DRP2: variants seen among roughly 807,000 people sequenced by gnomAD.
The protein encoded by DRP2 is dystrophin related protein 2.
In DRP2, 29 loss-of-function variants were observed where a neutral mutation model predicts 78.2. The observed-to-expected ratio is 0.37, with a 90% CI of 0.28 to 0.51. The LOEUF (loss-of-function observed/expected upper bound fraction) is 0.51, where lower values mean the gene tolerates loss of function less well. Among genes scored for constraint, DRP2 ranks in the 20% least tolerant of loss-of-function variants. DRP2 has a pLI of 0.94. For synonymous variants in DRP2, 290 were observed against 281.9 expected, an observed-to-expected ratio of 1.03 and a Z score of -0.29; for missense variants, 686 against 770.6, an observed-to-expected ratio of 0.89 and a Z score of 1.30.
At chrX:101,240,010 T>G (rs2147339470) in intron 6 of DRP2, among the ~76,000 whole-genome samples, 1 of 110,818 alleles carries the variant, frequency 9.0e-6, no homozygotes, top group East Asian at 2.9e-4. Context: ...TCCACTGCAT[T>G]CCAGCCTGGG....
At chrX:101,250,607 A>G in intron 15 of DRP2, 27 bp downstream of exon 15, 1 of 1,150,252 alleles carries the variant, frequency 8.7e-7, no homozygotes, top group Non-Finnish European at 1.2e-6. Context: ...GGAGTGGGGG[A>G]GGGAAGGGAG....
intron 1 of DRP2, among the ~76,000 whole-genome samples, chrX:101,224,182 G>GTTTTT (rs1214156680): frequency 1.8e-4 from 8 of 44,224 alleles, no homozygotes; most frequent in Admixed American, 2.6e-4. Flanking sequence ...TGTTTGCTGG[G>GTTTTT]TTTTTTTTGT....
intron 18 of DRP2, 97 bp from the exon 19 acceptor site, chrX:101,254,762 A>C: frequency 9.0e-7 from 1 of 1,111,274 alleles, no homozygotes; most frequent in Non-Finnish European, 1.2e-6. Flanking sequence ...TGTTCCCATC[A>C]GCTCTTGCCC....
chrX:101,236,115 C>CCCCTTTCCTTAGCCCACCCACTTCT, intron 4 of DRP2, 92 bp downstream of exon 4: 1 of 1,007,145 alleles, frequency 9.9e-7, no homozygotes, highest in Non-Finnish European at 1.4e-6. Flanking sequence ...CCTGTGCATC[C>CCCCTTTCCTTAGCCCACCCACTTCT]CCCTTTCCTT....
At chrX:101,259,486 TTTAATTAA>T (rs1207645244) in intron 22 of DRP2, among the ~76,000 whole-genome samples, 8 of 110,973 alleles carry the variant, frequency 7.2e-5, no homozygotes, top group African/African-American at 2.3e-4. Flanking sequence ...CCATTCTTTA[TTTAATTAA>T]TTAATTAATT....
Position 101,241,522 on chromosome X carries a change from A to G in DRP2, c.560-146A>G, listed in dbSNP as rs190311903. 51 of 623,508 alleles carry G rather than the reference A, an allele frequency of 8.2e-5. No homozygotes were observed. In the East Asian group the frequency reaches 1.7e-3, roughly 21 times the overall value. 51.4% of individuals were successfully genotyped at this position (623,508 alleles called of 1,213,427 possible). A position where few individuals can be genotyped will look rare whatever the true frequency, so the allele number is the denominator to read the frequency against. ...AGGGCTCAACCATGGAAAAATATGT[A>G]TTTGTGTGTGTATGAATATATACAC... On this transcript the variant is annotated intron_variant, in intron 6 of 23. Coordinates refer to ENST00000395209, the MANE Select transcript of DRP2 (RefSeq NM_001939.3).
At chrX:101,241,621 T>C in intron 6 of DRP2, 47 bp from the exon 7 acceptor site, 1 of 1,194,201 alleles carries the variant, frequency 8.4e-7, no homozygotes, top group South Asian at 1.8e-5. Flanking sequence ...TTCTTTGAGC[T>C]GACCCTGCCT....
rs1569507487 is a variant in DRP2, at chrX:101,224,186, T to TG, written c.-166-418_-166-417insG. On this transcript the variant is annotated intron_variant, in intron 1 of 23. Coordinates refer to ENST00000395209, the MANE Select transcript of DRP2 (RefSeq NM_001939.3). ...AGAATAATAAATGTTTGCTGGGTTT[T>TG]TTTTGTTTTTTTTTTTTTTTTTTTT... Among the ~76,000 whole-genome samples the TG allele has an allele frequency of 9.9e-3, 694 of 70,169 alleles. 38 individuals are homozygous for TG. Among genetic ancestry groups the TG allele is most frequent in the African/African-American group, 0.024 (374 of 15,359 alleles). 60.9% of individuals were successfully genotyped at this position (70,169 alleles called of 115,157 possible). A position where few individuals can be genotyped will look rare whatever the true frequency, so the allele number is the denominator to read the frequency against.
intron 10 of DRP2, 63 bp from the exon 11 acceptor site, chrX:101,245,325 C>T: frequency 5.6e-6 from 6 of 1,072,737 alleles, no homozygotes; most frequent in Non-Finnish European, 6.4e-6. Context: ...GTGGTGTGCA[C>T]ATCTGAGTGT....
In DRP2 at chrX:101,254,954, G is replaced by A. The variant is rs781608634; in HGVS notation, c.2180+30G>A. The A allele has an allele frequency of 5.8e-6, 7 of 1,209,105 alleles. No individual in the cohort carries two copies. In the South Asian group the frequency reaches 1.1e-4, roughly 18 times the overall value. ...CACCAGGTTTGCGGGAGGTGGGTAG[G>A]AGCTGTTGTAGGAAGTCCGAGGGGA... On this transcript the variant is annotated intron_variant, in intron 19 of 23. Transcript: ENST00000395209.
At chrX:101,250,818 C>A (rs1264946010) in intron 15 of DRP2, 99 bp from the exon 16 acceptor site, 1 of 1,092,018 alleles carries the variant, frequency 9.2e-7, no homozygotes, top group African/African-American at 1.8e-5. Flanking sequence ...ACAGGCCAAC[C>A]CAGCCCCTGC....
Position 101,242,367 on chromosome X carries a change from T to C in DRP2, c.871T>C (p.Leu291=). 8.3e-7 allele frequency: 1 copy of C among 1,211,438 alleles called. No homozygotes were observed. The highest frequency in any genetic ancestry group is 1.1e-6 in the Non-Finnish European group (1 of 895,419). The change falls in exon 8 of 24, where the codon TTG becomes CTG. Residue 291 remains leucine, a synonymous_variant. Coordinates refer to ENST00000395209, the MANE Select transcript of DRP2 (RefSeq NM_001939.3). ...EFSPMKDGVK[L]VNDLAHQLAI... ...CTCCCCCATGAAAGATGGAGTAAAG[T>C]TGGTGAATGATCTGGCCCACCAACT...
intron 20 of DRP2, among the ~76,000 whole-genome samples, 160 bp from the exon 21 acceptor site, chrX:101,255,958 C>G (rs1032317552): frequency 3.6e-5 from 4 of 111,974 alleles, no homozygotes; most frequent in African/African-American, 1.3e-4. Context: ...CTCCTTTGAA[C>G]ACTTTCATCC....
In DRP2 at chrX:101,231,717, C is replaced by T; in HGVS notation, c.70C>T (p.Gln24Ter). The T allele has an allele frequency of 8.3e-7, 1 of 1,211,322 alleles. No homozygotes were observed. The highest frequency in any genetic ancestry group is 1.1e-6 in the Non-Finnish European group (1 of 895,341). Residue 24 changes from glutamine to a stop codon, truncating the protein, a stop_gained, in exon 3 of 24, where the codon CAG (glutamine) becomes TAG (stop). Transcript: ENST00000395209. LOFTEE classifies it high-confidence loss of function. ...PRCHDWQAAD[Q>*]FHHSSSLRST... ...ATGTCATGACTGGCAGGCAGCTGAC[C>T]AGTTCCATCATAGCAGCAGCCTCCG... is the stretch of plus-strand genomic sequence containing the variant.
At chrX:101,242,252 G>A (rs1325979907) in intron 7 of DRP2, 73 bp from the exon 8 acceptor site, 5 of 1,157,241 alleles carry the variant, frequency 4.3e-6, no homozygotes, top group Non-Finnish European at 5.8e-6. Flanking sequence ...GAAGAGGGAA[G>A]AGTAGAGGTG....
Position 101,256,159 on chromosome X carries a change from C to T in DRP2, c.2288C>T (p.Thr763Ile). 2.5e-6 allele frequency: 3 copies of T among 1,207,370 alleles called. No individual in the cohort carries two copies. The highest frequency in any genetic ancestry group is 3.4e-6 in the Non-Finnish European group (3 of 893,594). The change falls in exon 21 of 24, where the codon ACA becomes ATA. Residue 763 changes from threonine (T) to isoleucine (I), a missense_variant. This residue lies in a region of DRP2 where 423 missense variants were observed against 531.5 expected (regional missense o/e 0.80). Coordinates refer to ENST00000395209, the MANE Select transcript of DRP2 (RefSeq NM_001939.3). ...QYLLRHSSPI[T>I]DREPAFGQQA... ...CTGCTGCGGCACTCCAGCCCCATCA[C>T]AGACCGGGAGCCAGCCTTTGGACAG...
chrX:101,236,118 C>A, intron 4 of DRP2, 95 bp downstream of exon 4: 1 of 967,004 alleles, frequency 1.0e-6, no homozygotes, highest in Non-Finnish European at 1.5e-6. Flanking sequence ...GTGCATCCCC[C>A]TTTCCTTAGC....
chrX:101,243,763 G>T (rs956567095), intron 9 of DRP2, among the ~76,000 whole-genome samples: 3 of 111,484 alleles, frequency 2.7e-5, no homozygotes, highest in African/African-American at 9.8e-5. Flanking sequence ...GGTGACAAGG[G>T]CTATGGACAA....
At chrX:101,241,986 C>T (rs779873710) in intron 7 of DRP2, 50 bp downstream of exon 7, 3 of 1,116,537 alleles carry the variant, frequency 2.7e-6, no homozygotes, top group African/African-American at 3.6e-5. Context: ...ACCTGACACT[C>T]TCCCCAGACA....
Sources: gnomAD v4.1 joint callset for allele counts (sites outside exome capture counted in the v4.1 genomes callset) on GRCh38, gnomAD v4.1.1 for gene constraint, gnomAD v4.1.1 regional missense constraint, MANE v1.5 for transcripts, NCBI Gene and HGNC (gene_info 2026-07-23, HGNC 2026-07-21) for gene names.